Variants in SPDYE1 observed in about 807,000 individuals in gnomAD.
SPDYE1 encodes the protein speedy/RINGO cell cycle regulator family member E1.
In SPDYE1, 29 loss-of-function variants were observed where a neutral mutation model predicts 45.9. That is an observed-to-expected ratio of 0.63 (90% confidence interval 0.47 to 0.86). SPDYE1 has a LOEUF of 0.86. Among genes scored for constraint, SPDYE1 ranks in the 40% least tolerant of loss-of-function variants. The pLI is 0.00. For missense variants in SPDYE1, 346 were observed against 481.4 expected (o/e 0.72, Z 2.63); for synonymous variants, 134 against 176.8 (o/e 0.76, Z 1.92).
In SPDYE1 at chr7:43,998,418, G is replaced by A. The variant is rs199752161; in HGVS notation, c.-423+459G>A. ...CAACCTGCGCACCATGAGTTCAAGT[G>A]ATTCTCCAGCGCCCTCTCCTGAGTA... On this transcript the variant is annotated intron_variant, in intron 1 of 8. Coordinates refer to ENST00000693451, the MANE Select transcript of SPDYE1 (RefSeq NM_001378423.2). Among the ~76,000 whole-genome samples, 169 of 151,468 alleles carry A rather than the reference G, an allele frequency of 1.1e-3. 2 individuals carry two copies. The East Asian group carries it at 0.029, about 26-fold the overall frequency.
Position 44,002,726 on chromosome 7 carries a change from G to T in SPDYE1, c.516G>T (p.Ala172=). The change falls in exon 4 of 9, where the codon GCG becomes GCT. Residue 172 remains alanine, a synonymous_variant. Coordinates refer to ENST00000693451, the MANE Select transcript of SPDYE1 (RefSeq NM_001378423.2). ...CTGAGCCTGAGGAGATCTGGGTGGCGGAGATGCTGTGTGGCCTCAAGATGA... is the reference window on the plus strand; with the variant it reads ...CTGAGCCTGAGGAGATCTGGGTGGCTGAGATGCTGTGTGGCCTCAAGATGA... ...LAPEPEEIWV[A]EMLCGLKMKL... The T allele has an allele frequency of 6.3e-7, 1 of 1,590,490 alleles. No individual in the cohort carries two copies. The highest frequency in any genetic ancestry group is 8.5e-7 in the Non-Finnish European group (1 of 1,177,278).
intron 1 of SPDYE1, among the ~76,000 whole-genome samples, chr7:43,998,296 G>A (rs937857927): frequency 2.0e-5 from 3 of 152,096 alleles, no homozygotes; most frequent in African/African-American, 7.2e-5. Context: ...TCAGGAAAAC[G>A]TGTGGGAACT....
In SPDYE1 at chr7:44,002,777, C is replaced by G. The variant is rs1334074984; in HGVS notation, c.567C>G (p.Leu189=). Residue 189 remains leucine, a synonymous_variant, in exon 4 of 9, where the codon CTC becomes CTG. Coordinates refer to ENST00000693451, the MANE Select transcript of SPDYE1 (RefSeq NM_001378423.2). ...AGCTGAAGCGACGGCGAGTGTCGCT[C>G]GTGCTCCCTGAGCACCACGAGGCCT... ...KMKLKRRRVS[L]VLPEHHEAFN... The G allele has an allele frequency of 1.9e-6, 3 of 1,553,620 alleles. No individual in the cohort carries two copies. Among genetic ancestry groups the G allele is most frequent in the East Asian group, 2.3e-5 (1 of 43,200 alleles).
intron 1 of SPDYE1, among the ~76,000 whole-genome samples, chr7:43,998,448 C>T (rs959518391): frequency 4.6e-5 from 7 of 151,184 alleles, no homozygotes; most frequent in South Asian, 2.1e-4. Flanking sequence ...TGAGTAGCTG[C>T]GATTACAGGT....
intron 8 of SPDYE1, 68 bp downstream of exon 8, chr7:44,007,881 T>C (rs1382774504): frequency 3.2e-6 from 5 of 1,568,474 alleles, no homozygotes; most frequent in Admixed American, 1.9e-5. Context: ...AAGAACCCAA[T>C]TGCTTGATCC....
chr7:44,008,968 G>A lies in SPDYE1; in HGVS notation c.*347G>A, dbSNP rs1460876769. 9 of 450,792 alleles carry A rather than the reference G, an allele frequency of 2.0e-5. No homozygotes were observed. Among genetic ancestry groups the A allele is most frequent in the Admixed American group, 5.0e-5 (2 of 39,606 alleles). The allele number at this position is 450,792 out of a possible 1,614,324, so 27.9% of individuals were successfully genotyped here. A position where few individuals can be genotyped will look rare whatever the true frequency, so the allele number is the denominator to read the frequency against. Reference sequence around the variant, plus strand: ...TGCTGAATTCCAACCTCCCTGGGGCGGAACCTGGAGGTCCTGTTTCTTACG... The same window carrying A: ...TGCTGAATTCCAACCTCCCTGGGGCAGAACCTGGAGGTCCTGTTTCTTACG... On this transcript the variant is annotated 3_prime_UTR_variant, in exon 9 of 9. Coordinates refer to ENST00000693451, the MANE Select transcript of SPDYE1 (RefSeq NM_001378423.2).
Position 44,002,698 on chromosome 7 carries a change from C to T in SPDYE1, c.488C>T (p.Ala163Val), listed in dbSNP as rs553770918. Reference protein sequence around the residue: ...ESEEEPRKVLAPEPEEIWVAE... With the variant: ...ESEEEPRKVLVPEPEEIWVAE... ...GAGGAGGAGCCACGGAAGGTGCTCGCCCCTGAGCCTGAGGAGATCTGGGTG... is the reference window on the plus strand; with the variant it reads ...GAGGAGGAGCCACGGAAGGTGCTCGTCCCTGAGCCTGAGGAGATCTGGGTG... Residue 163 changes from alanine (A) to valine (V), a missense_variant, in exon 4 of 9, where the codon GCC becomes GTC. Around this residue, in one of 4 missense-constraint regions of SPDYE1, gnomAD observed 141 missense variants for 176.7 expected, o/e 0.80. Transcript: ENST00000693451. 1.9e-4 allele frequency: 310 copies of T among 1,596,976 alleles called. 2 individuals carry two copies. In the East Asian group the frequency reaches 5.0e-3, roughly 26 times the overall value.
intron 6 of SPDYE1, among the ~76,000 whole-genome samples, chr7:44,005,603 A>T (rs564548633): frequency 1.3e-5 from 2 of 151,546 alleles, no homozygotes; most frequent in South Asian, 4.2e-4. Context: ...CTTTGAACCC[A>T]GGAGGTGGAG....
Position 44,007,423 on chromosome 7 carries a change from C to T in SPDYE1, c.908C>T (p.Ser303Phe). 1.9e-6 allele frequency: 3 copies of T among 1,612,138 alleles called. No homozygotes were observed. The South Asian group carries it at 3.3e-5, about 18-fold the overall frequency. ...SMNPRARKNR[S>F]HIPLVRKRRF... The stretch of plus-strand genomic sequence containing the variant: ...AACCCGAGGGCCAGGAAGAACCGCT[C>T]TCACATACCCTTGGTCCGTAAGCGT... Residue 303 changes from serine to phenylalanine, a missense_variant, in exon 7 of 9, where the codon TCT (serine) becomes TTT (phenylalanine). This residue lies in a region of SPDYE1 where 186 missense variants were observed against 219.1 expected (regional missense o/e 0.85). Coordinates refer to ENST00000693451, the MANE Select transcript of SPDYE1 (RefSeq NM_001378423.2).
intron 4 of SPDYE1, 143 bp downstream of exon 4, chr7:44,002,960 G>A: frequency 3.7e-6 from 2 of 544,652 alleles, no homozygotes; most frequent in Non-Finnish European, 6.2e-6. Flanking sequence ...GATCACTCAT[G>A]AGGGACACTT....
intron 5 of SPDYE1, 33 bp from the exon 6 acceptor site, chr7:44,005,109 C>G (rs745755986): frequency 6.2e-7 from 1 of 1,609,426 alleles, no homozygotes; most frequent in Non-Finnish European, 8.5e-7. Context: ...AAGATGTGAC[C>G]TCTCCCTCTC....
rs141407881 is a variant in SPDYE1, at chr7:44,007,366, G to A, written c.851G>A (p.Arg284His). Reference sequence around the variant, plus strand: ...AACCGCTCTCGCATACCCTTGCTCCGTAAGCGTCGGTTCCAGTTATACCGT... The same window carrying A: ...AACCGCTCTCGCATACCCTTGCTCCATAAGCGTCGGTTCCAGTTATACCGT... ...GKNRSRIPLL[R>H]KRRFQLYRSM... The change falls in exon 7 of 9, where the codon CGT (arginine) becomes CAT (histidine). Residue 284 changes from arginine (R) to histidine (H), a missense_variant. By Grantham distance (29) the Arg-to-His change is conservative (BLOSUM62 0). This residue lies in a region of SPDYE1 where 186 missense variants were observed against 219.1 expected (regional missense o/e 0.85). Transcript: ENST00000693451. 0.011 allele frequency: 18,000 copies of A among 1,613,656 alleles called. 119 individuals are homozygous for A. The highest frequency in any genetic ancestry group is 0.015 in the Middle Eastern group (88 of 5,790).
chr7:44,005,785 T>C (rs2096070448), intron 6 of SPDYE1, among the ~76,000 whole-genome samples: 1 of 149,090 alleles, frequency 6.7e-6, no homozygotes, highest in African/African-American at 2.5e-5. Flanking sequence ...AGAAAAGGAG[T>C]GGAGGAGCGG....
chr7:44,001,435 A>G, intron 3 of SPDYE1, 151 bp downstream of exon 3: 6 of 1,516,364 alleles, frequency 4.0e-6, no homozygotes, highest in Non-Finnish European at 5.3e-6. Flanking sequence ...CATGAGGGAC[A>G]CTTAGGAGAC....
intron 6 of SPDYE1, 55 bp downstream of exon 6, chr7:44,005,282 G>C: frequency 6.3e-7 from 1 of 1,587,006 alleles, no homozygotes; most frequent in South Asian, 1.1e-5. Context: ...GGACAGCGGG[G>C]GAAGTGGGAT....
chr7:44,004,084 G>C (rs1259925147), intron 5 of SPDYE1, 173 bp downstream of exon 5: 2 of 1,167,682 alleles, frequency 1.7e-6, no homozygotes, highest in Non-Finnish European at 2.4e-6. Flanking sequence ...TGCCCAGGCT[G>C]GAGGGCAGTG....
chr7:44,001,939 C>CAAA (rs202109454), intron 3 of SPDYE1, among the ~76,000 whole-genome samples: 110 of 86,822 alleles, frequency 1.3e-3, no homozygotes, highest in African/African-American at 4.5e-3. Flanking sequence ...GACGCTGTCT[C>CAAA]AAAAAAAAAA....
Position 44,004,044 on chromosome 7 carries a change from T to G in SPDYE1, c.666+133T>G, listed in dbSNP as rs867699497. On this transcript the variant is annotated intron_variant, in intron 5 of 8. Coordinates refer to ENST00000693451, the MANE Select transcript of SPDYE1 (RefSeq NM_001378423.2). ...TACAGTCTTTTTTTTTTTTTTTTTT[T>G]TGTGTGTGTGAGACAGAGTCTTGCT... The G allele has an allele frequency of 2.5e-3, 2,519 of 1,017,204 alleles. 10 individuals carry two copies. The highest frequency in any genetic ancestry group is 0.023 in the East Asian group (764 of 33,252). 63.0% of individuals were successfully genotyped at this position (1,017,204 alleles called of 1,614,324 possible).
intron 1 of SPDYE1, among the ~76,000 whole-genome samples, 50 bp from the exon 2 acceptor site, chr7:43,999,478 G>A (rs867951034): frequency 2.0e-5 from 3 of 148,490 alleles, no homozygotes; most frequent in East Asian, 2.0e-4. Context: ...AGGTTTCATC[G>A]TTTCTGCTTA....
Sources: allele counts gnomAD v4.1 joint callset (sites outside exome capture counted in the v4.1 genomes callset), GRCh38; gene constraint gnomAD v4.1.1; regional missense constraint gnomAD v4.1.1; transcripts MANE v1.5; gene names NCBI Gene and HGNC (gene_info 2026-07-23, HGNC 2026-07-21).